TBL1XR1: variants seen among roughly 807,000 people sequenced by gnomAD.
TBL1XR1 encodes the protein F-box-like/WD repeat-containing protein TBL1XR1.
In TBL1XR1, 5 loss-of-function variants were observed where a neutral mutation model predicts 66.9. The ratio of observed to expected loss-of-function variants is 0.07; its 90% CI spans 0.04 to 0.16. The LOEUF (loss-of-function observed/expected upper bound fraction) is 0.16, where lower values mean the gene tolerates loss of function less well. TBL1XR1 is among the 10% of genes least tolerant of loss of function. TBL1XR1 has a pLI of 1.00. For synonymous variants in TBL1XR1, 210 were observed against 206.0 expected, an observed-to-expected ratio of 1.02 and a Z score of -0.17; for missense variants, 238 against 623.2, an observed-to-expected ratio of 0.38 and a Z score of 6.58.
chr3:177,142,317 G>A (rs913374127), intron 1 of TBL1XR1, among the ~76,000 whole-genome samples: 3 of 152,334 alleles, frequency 2.0e-5, no homozygotes, highest in African/African-American at 4.8e-5. Flanking sequence ...GAGCAGTTCT[G>A]TAGTCACATT....
intron 2 of TBL1XR1, among the ~76,000 whole-genome samples, chr3:177,083,579 C>G (rs1299966969): frequency 2.0e-5 from 3 of 152,122 alleles, no homozygotes; most frequent in Non-Finnish European, 4.4e-5. Context: ...TCACTGGTCT[C>G]TATTTTATCT....
intron 10 of TBL1XR1, among the ~76,000 whole-genome samples, chr3:177,041,343 AAT>A (rs1309070623): frequency 6.6e-6 from 1 of 152,152 alleles, no homozygotes; most frequent in Non-Finnish European, 1.5e-5. Context: ...CCCTTGGTTC[AAT>A]GTAAGAAAAA....
rs765920025 is a variant in TBL1XR1 at position 177,047,556 on chromosome 3, G to C, written c.703-7C>G. 1.2e-6 allele frequency: 2 copies of C among 1,611,422 alleles called. No individual in the cohort carries two copies. The highest frequency in any genetic ancestry group is 1.3e-5 in the African/African-American group (1 of 74,826). On this transcript the variant is annotated splice_region_variant and splice_polypyrimidine_tract_variant and intron_variant, in intron 7 of 15. Transcript: ENST00000457928. ...CTAGAAGTGTACCTTCACTCTGCCA[G>C]AGAAAAACATTTCTTTAATTATATA...
chr3:177,036,604 T>C (rs1248591223), intron 12 of TBL1XR1, among the ~76,000 whole-genome samples: 1 of 152,218 alleles, frequency 6.6e-6, no homozygotes, highest in East Asian at 1.9e-4. Context: ...AAGAAGTTTT[T>C]TTCATGTTAT....
intron 3 of TBL1XR1, among the ~76,000 whole-genome samples, chr3:177,062,906 G>A (rs528501593): frequency 2.8e-4 from 42 of 152,128 alleles, no homozygotes; most frequent in Non-Finnish European, 4.7e-4. Context: ...AAGCCAAGGC[G>A]GGCGGATCAC....
chr3:177,082,738 TTATATATATATATATATATATA>T (rs374510003), intron 2 of TBL1XR1, among the ~76,000 whole-genome samples: 3 of 63,234 alleles, frequency 4.7e-5, no homozygotes, highest in South Asian at 1.5e-3. Context: ...AAGATAGAGA[TTATATATATATATATATATATA>T]TATATATGAA....
At chr3:177,158,159 G>C (rs114401487) in intron 1 of TBL1XR1, among the ~76,000 whole-genome samples, 6 of 85,192 alleles carry the variant, frequency 7.0e-5, no homozygotes, top group Admixed American at 1.0e-4. Flanking sequence ...AAAATAAAAA[G>C]TAAAACAAAA....
At chr3:177,200,606 A>G (rs1329703855), upstream of TBL1XR1, among the ~76,000 whole-genome samples, 3 of 152,238 alleles carry the variant, frequency 2.0e-5, no homozygotes, top group Admixed American at 6.5e-5. Flanking sequence ...AATATTCAGT[A>G]CTTTGTCCTA....
intron 1 of TBL1XR1, among the ~76,000 whole-genome samples, chr3:177,147,771 C>T (rs79609966): frequency 1.2e-3 from 181 of 152,298 alleles, no homozygotes; most frequent in African/African-American, 4.1e-3. Context: ...AATCAAGTTC[C>T]ATGGCCATTC....
At chr3:177,033,949 A>G (rs912724623) in intron 13 of TBL1XR1, among the ~76,000 whole-genome samples, 2 of 152,052 alleles carry the variant, frequency 1.3e-5, no homozygotes, top group African/African-American at 4.8e-5. Context: ...GAAGGCTGAG[A>G]AGAGAGGTGA....
chr3:177,175,430 C>T (rs1734039700), intron 1 of TBL1XR1, among the ~76,000 whole-genome samples: 1 of 152,106 alleles, frequency 6.6e-6, no homozygotes, highest in Admixed American at 6.5e-5. Flanking sequence ...TAGAAGTTTC[C>T]TCTTCAGATA....
At chr3:177,026,217 C>T (rs903610117) in intron 15 of TBL1XR1, among the ~76,000 whole-genome samples, 156 bp downstream of exon 15, 13 of 151,444 alleles carry the variant, frequency 8.6e-5, no homozygotes, top group Admixed American at 3.3e-4. Context: ...TTGAATCCAA[C>T]GCACATGAAA....
At chr3:177,185,926 G>C (rs1358175653) in intron 1 of TBL1XR1, among the ~76,000 whole-genome samples, 2 of 152,136 alleles carry the variant, frequency 1.3e-5, no homozygotes, top group African/African-American at 4.8e-5. Flanking sequence ...TAGGAGGACT[G>C]CTTAAGCCCA....
intron 1 of TBL1XR1, among the ~76,000 whole-genome samples, chr3:177,113,363 A>G (rs1725897893): frequency 6.6e-6 from 1 of 152,202 alleles, no homozygotes; most frequent in African/African-American, 2.4e-5. Context: ...GAAAGCAAAA[A>G]TAGACAAATG....
At chr3:177,043,740 T>C (rs1715934830) in intron 10 of TBL1XR1, among the ~76,000 whole-genome samples, 1 of 152,200 alleles carries the variant, frequency 6.6e-6, no homozygotes, top group Non-Finnish European at 1.5e-5. Context: ...CTTCTGTTTA[T>C]CTCTTCTGTT....
intron 1 of TBL1XR1, among the ~76,000 whole-genome samples, chr3:177,147,551 C>T (rs1577310602): frequency 6.6e-6 from 1 of 152,136 alleles, no homozygotes. Flanking sequence ...CAACAGACAG[C>T]GCAAAATGTA....
At chr3:177,158,557 G>A (rs1373336989) in intron 1 of TBL1XR1, among the ~76,000 whole-genome samples, 6 of 151,982 alleles carry the variant, frequency 3.9e-5, no homozygotes, top group Non-Finnish European at 5.9e-5. Context: ...GACTACAACT[G>A]ACAGAAGAGC....
chr3:177,124,102 A>G (rs548867408), intron 1 of TBL1XR1, among the ~76,000 whole-genome samples: 6 of 152,198 alleles, frequency 3.9e-5, no homozygotes, highest in African/African-American at 1.4e-4. Context: ...AACTAGATCA[A>G]GCGATGAGAC....
rs1440214517 is a variant in TBL1XR1, at chr3:177,024,933, A to G, written c.*565T>C. Reference sequence around the variant, plus strand: ...AAGAATGCATTAAAATATTTTAAAGAATTTTTTGTTTAAAAGGTGAAAAAA... The same window carrying G: ...AAGAATGCATTAAAATATTTTAAAGGATTTTTTGTTTAAAAGGTGAAAAAA... On this transcript the variant is annotated 3_prime_UTR_variant, in exon 16 of 16. Transcript: ENST00000457928. The G allele has an allele frequency of 1.3e-5, 2 of 152,678 alleles. No homozygotes were observed. The highest frequency in any genetic ancestry group is 2.9e-5 in the Non-Finnish European group (2 of 68,108). 9.5% of individuals were successfully genotyped at this position (152,678 alleles called of 1,614,324 possible).
Sources: gnomAD v4.1 joint callset for allele counts (sites outside exome capture counted in the v4.1 genomes callset) on GRCh38, gnomAD v4.1.1 for gene constraint, MANE v1.5 for transcripts, NCBI Gene and HGNC (gene_info 2026-07-23, HGNC 2026-07-21) for gene names.